The following RPL9 variants were observed in gnomAD, a reference collection of about 807,000 sequenced individuals.
RPL9 encodes the protein large ribosomal subunit protein uL6.
For synonymous variants in RPL9, 82 were observed against 77.1 expected, an observed-to-expected ratio of 1.06 and a Z score of -0.33; for missense variants, 149 against 236.7, an observed-to-expected ratio of 0.63 and a Z score of 2.43.
intron 3 of RPL9, 107 bp from the exon 4 acceptor site, chr4:39,457,788 C>A: frequency 1.0e-6 from 1 of 976,906 alleles, no homozygotes. Flanking sequence ...CTTATCAAAG[C>A]ACATGGTTTT....
At position 39,457,693 on chromosome 4, in the gene RPL9, C is replaced by A; in HGVS notation, c.163-12G>T. 6.2e-7 allele frequency: 1 copy of A among 1,607,530 alleles called. No homozygotes were observed. The highest frequency in any genetic ancestry group is 2.2e-5 in the East Asian group (1 of 44,852). On this transcript the variant is annotated splice_polypyrimidine_tract_variant and intron_variant, in intron 3 of 7. Transcript: ENST00000295955. ...TTGTCAACCCGGAGCTGTAACAGAA[C>A]AAAAAATGTATTCTTTCCAGAAATA... is the stretch of plus-strand genomic sequence containing the variant.
chr4:39,457,887 C>T, intron 3 of RPL9: 1 of 626,750 alleles, frequency 1.6e-6, no homozygotes, highest in Non-Finnish European at 2.8e-6. Context: ...AAAATTAAAT[C>T]ATCAGGTTTA....
chr4:39,454,958 G>A lies in RPL9; in HGVS notation c.392-14C>T, dbSNP rs1744028448. On this transcript the variant is annotated splice_polypyrimidine_tract_variant and intron_variant, in intron 5 of 7. Coordinates refer to ENST00000295955, the MANE Select transcript of RPL9 (RefSeq NM_000661.5). The stretch of plus-strand genomic sequence containing the variant: ...AACAAGCAACACCTAAAAGGGGAGA[G>A]GGCATTTGCACAGCATCAAATCTGT... The A allele has an allele frequency of 2.5e-6, 4 of 1,608,364 alleles. No homozygotes were observed. Among genetic ancestry groups the A allele is most frequent in the African/African-American group, 1.3e-5 (1 of 74,748 alleles).
rs988855958 is a variant in RPL9 at position 39,454,648 on chromosome 4, C to T, written c.474G>A (p.Ala158=). 12 of 1,611,152 alleles carry T rather than the reference C, an allele frequency of 7.4e-6. No individual in the cohort carries two copies. The highest frequency in any genetic ancestry group is 2.7e-5 in the African/African-American group (2 of 74,846). The change falls in exon 7 of 8, where the codon GCG becomes GCA. Residue 158 remains alanine, a splice_region_variant and synonymous_variant. Coordinates refer to ENST00000295955, the MANE Select transcript of RPL9 (RefSeq NM_000661.5). ...CTGTTGTGGCTTGCTGAATCAAAGC[C>T]GCTATAGGAGTGAAGATAAAGCAAT... is the stretch of plus-strand genomic sequence containing the variant. ...GNDIELVSNS[A]ALIQQATTVK...
intron 5 of RPL9, 28 bp from the exon 6 acceptor site, chr4:39,454,972 C>T: frequency 6.3e-7 from 1 of 1,578,114 alleles, no homozygotes; most frequent in African/African-American, 1.4e-5. Context: ...ATTTGCACAG[C>T]ATCAAATCTG....
intron 1 of RPL9, chr4:39,458,677 T>C (rs1744241664): frequency 3.2e-6 from 2 of 621,422 alleles, no homozygotes; most frequent in Non-Finnish European, 5.7e-6. Context: ...GGAAGTCCTA[T>C]GCGGGCGGTG....
chr4:39,454,791 G>A (rs1484820539), intron 6 of RPL9, 73 bp downstream of exon 6: 11 of 1,517,648 alleles, frequency 7.2e-6, no homozygotes, highest in Non-Finnish European at 9.9e-6. Flanking sequence ...ATAAAAATTA[G>A]CAAAATACTG....
In RPL9 at chr4:39,458,911, G is replaced by T; in HGVS notation, c.-22C>A. ...CTTACCTCGCAGTAGACGCAGCAAA[G>T]AAAGAACGTCTGTCGTCATTACGTA... is the stretch of plus-strand genomic sequence containing the variant. On this transcript the variant is annotated 5_prime_UTR_variant, in exon 1 of 8. Transcript: ENST00000295955. 1.4e-6 allele frequency: 1 copy of T among 710,972 alleles called. No individual in the cohort carries two copies. Among genetic ancestry groups the T allele is most frequent in the Non-Finnish European group, 2.6e-6 (1 of 391,272 alleles). The allele number at this position is 710,972 out of a possible 1,614,324, so 44.0% of individuals were successfully genotyped here.
intron 4 of RPL9, chr4:39,456,761 TG>T: frequency 2.0e-6 from 1 of 504,898 alleles, no homozygotes; most frequent in Non-Finnish European, 3.6e-6. Flanking sequence ...ATGCCCTCAA[TG>T]AACAATGCTG....
At chr4:39,456,617 T>C (rs1249405572) in intron 4 of RPL9, 79 bp from the exon 5 acceptor site, 5 of 1,481,726 alleles carry the variant, frequency 3.4e-6, no homozygotes, top group African/African-American at 2.8e-5. Context: ...AAGATGCTTA[T>C]ACTTATTTTA....
At chr4:39,458,678 G>A in intron 1 of RPL9, 3 of 621,704 alleles carry the variant, frequency 4.8e-6, no homozygotes, top group South Asian at 3.8e-5. Context: ...GAAGTCCTAT[G>A]CGGGCGGTGC....
rs748085988 is a variant in RPL9 at position 39,458,425 on chromosome 4, G to A, written c.15C>T (p.Leu5=). Residue 5 remains leucine, a synonymous_variant, in exon 2 of 8, where the codon CTC becomes CTT. Transcript: ENST00000295955. ...CTGGAATGTCGACAGTCTGATTGCT[G>A]AGAATAGTCTTCATTCTGAAACACA... The part of the protein sequence containing the change: MKTI[L]SNQTVDIPEN... The A allele has an allele frequency of 4.3e-6, 7 of 1,614,240 alleles. No homozygotes were observed. Among genetic ancestry groups the A allele is most frequent in the Middle Eastern group, 1.6e-4 (1 of 6,062 alleles).
At chr4:39,458,752 G>A in intron 1 of RPL9, 139 bp downstream of exon 1, 1 of 665,928 alleles carries the variant, frequency 1.5e-6, no homozygotes, top group Non-Finnish European at 2.7e-6. Context: ...CGCATCTGGC[G>A]CCGCCAGGCT....
At chr4:39,454,801 GTATTT>G (rs1578222191) in intron 6 of RPL9, 58 bp downstream of exon 6, 3 of 1,546,848 alleles carry the variant, frequency 1.9e-6, no homozygotes, top group Non-Finnish European at 2.6e-6. Context: ...GCAAAATACT[GTATTT>G]TAAACAAGAT....
chr4:39,456,542 T>C lies in RPL9; in HGVS notation c.259-4A>G, dbSNP rs914059742. On this transcript the variant is annotated splice_region_variant and splice_polypyrimidine_tract_variant and intron_variant, in intron 4 of 7. Transcript: ENST00000295955. ...ACCTCATCTTGTAACGGAAGCCCTA[T>C]GTTAAATAAATAAGCAAGCTATTAG... 6.2e-6 allele frequency: 10 copies of C among 1,613,054 alleles called. No individual in the cohort carries two copies. The highest frequency in any genetic ancestry group is 1.7e-5 in the Admixed American group (1 of 59,886).
At chr4:39,457,082 G>C (rs1744116694) in intron 4 of RPL9, 1 of 159,152 alleles carries the variant, frequency 6.3e-6, no homozygotes, top group Admixed American at 6.0e-5. Context: ...CATTATGGCA[G>C]CAGACAGAAA....
intron 7 of RPL9, 46 bp downstream of exon 7, chr4:39,454,483 CTTCA>C: frequency 1.5e-6 from 2 of 1,339,558 alleles, no homozygotes; most frequent in South Asian, 2.6e-5. Flanking sequence ...AAATTAAGAG[CTTCA>C]TTCAACTAGA....
chr4:39,454,502 T>TG (rs1327633071), intron 7 of RPL9, 31 bp downstream of exon 7: 1 of 1,471,002 alleles, frequency 6.8e-7, no homozygotes, highest in South Asian at 1.2e-5. Flanking sequence ...ACTAGAGCAG[T>TG]AATAAAACTT....
intron 5 of RPL9, chr4:39,455,302 G>C (rs1965260): frequency 0.46 from 80,449 of 173,600 alleles, 20,025 homozygotes; most frequent in South Asian, 0.61. Flanking sequence ...TTAACATAAG[G>C]GTTTTCATTA....
Sources: allele counts gnomAD v4.1 joint callset, GRCh38; gene constraint gnomAD v4.1.1; transcripts MANE v1.5; gene names NCBI Gene and HGNC (gene_info 2026-07-23, HGNC 2026-07-21).